Variants in TAFA2 observed in about 807,000 individuals in gnomAD.
The protein encoded by TAFA2 is chemokine-like protein TAFA-2.
TAFA2 carries 7 observed loss-of-function variants against 18.8 expected under a neutral mutation model. The observed-to-expected ratio is 0.37, with a 90% CI of 0.21 to 0.70. TAFA2 has a LOEUF of 0.70. TAFA2 is among the 30% of genes least tolerant of loss of function. The pLI is 0.53. For synonymous variants in TAFA2, 60 were observed against 54.2 expected, an observed-to-expected ratio of 1.11 and a Z score of -0.47; for missense variants, 122 against 158.1, an observed-to-expected ratio of 0.77 and a Z score of 1.23.
chr12:62,185,655 C>T (rs2062581221), intron 1 of TAFA2, among the ~76,000 whole-genome samples: 2 of 152,104 alleles, frequency 1.3e-5, no homozygotes, highest in Admixed American at 1.3e-4. Flanking sequence ...TGGACAGTGC[C>T]TCTGTGAAAT....
At chr12:62,158,191 T>A (rs1261118015) in intron 1 of TAFA2, among the ~76,000 whole-genome samples, 2 of 152,208 alleles carry the variant, frequency 1.3e-5, no homozygotes, top group Non-Finnish European at 2.9e-5. Context: ...ACATAGTAGA[T>A]CTCAATAATT....
At chr12:61,770,874 A>G (rs961585146) in intron 2 of TAFA2, among the ~76,000 whole-genome samples, 3 of 152,124 alleles carry the variant, frequency 2.0e-5, no homozygotes, top group African/African-American at 7.2e-5. Context: ...AGTACAGTGA[A>G]TAGAAGAGTA....
rs570969603 is a variant in TAFA2, at chr12:61,999,126, T to C, written c.-1-131700A>G. ...GAAAAATATACTGGCCATAAGAAGA[T>C]CTTAATATGAGAGGAAACAGTTCTA... On this transcript the variant is annotated intron_variant, in intron 1 of 4. Coordinates refer to ENST00000416284, the MANE Select transcript of TAFA2 (RefSeq NM_178539.5). 9.9e-4 allele frequency among the ~76,000 whole-genome samples: 151 copies of C among 152,304 alleles called. 1 individual carries two copies. In the Middle Eastern group the frequency reaches 0.014, roughly 14 times the overall value.
Position 62,032,901 on chromosome 12 carries a change from A to T in TAFA2, c.-2+158358T>A, listed in dbSNP as rs1460855308. 2.0e-5 allele frequency among the ~76,000 whole-genome samples: 3 copies of T among 152,344 alleles called. No individual in the cohort carries two copies. The East Asian group carries it at 5.8e-4, about 29-fold the overall frequency. On this transcript the variant is annotated intron_variant, in intron 1 of 4. Transcript: ENST00000416284. The stretch of plus-strand genomic sequence containing the variant: ...CTCACCTAAGAATATCCTCCCACTC[A>T]GCAATGCTTCACATTTTTTCATGGA...
intron 1 of TAFA2, among the ~76,000 whole-genome samples, chr12:61,938,799 C>T (rs897869548): frequency 6.6e-6 from 1 of 152,032 alleles, no homozygotes; most frequent in African/African-American, 2.4e-5. Flanking sequence ...GGTGAAGTAA[C>T]TCAGGAAGGC....
intron 1 of TAFA2, among the ~76,000 whole-genome samples, chr12:61,966,543 A>T (rs1565699043): frequency 6.6e-6 from 1 of 151,904 alleles, no homozygotes; most frequent in Non-Finnish European, 1.5e-5. Flanking sequence ...CATACCATTC[A>T]CCAACACTCA....
intron 4 of TAFA2, among the ~76,000 whole-genome samples, chr12:61,714,835 GTTCAAGTCCTGCT>G (rs1198896598): frequency 6.6e-6 from 1 of 152,140 alleles, no homozygotes; most frequent in Non-Finnish European, 1.5e-5. Context: ...TGTTCCCCCT[GTTCAAGTCCTGCT>G]GACTAGGTTA....
At chr12:62,207,371 C>G (rs12422925) in intron 1 of TAFA2, 1 of 152,082 alleles carries the variant, frequency 6.6e-6, no homozygotes, top group Non-Finnish European at 1.5e-5. Flanking sequence ...ACTGCTGATC[C>G]TAAGAGTTAC....
chr12:61,741,215 C>T (rs1868427586), intron 4 of TAFA2, among the ~76,000 whole-genome samples: 1 of 151,342 alleles, frequency 6.6e-6, no homozygotes, highest in Admixed American at 6.6e-5. Context: ...TAGTGTAGCC[C>T]CAATTTTTTA....
At chr12:62,176,186 G>A (rs1215287537) in intron 1 of TAFA2, among the ~76,000 whole-genome samples, 1 of 152,014 alleles carries the variant, frequency 6.6e-6, no homozygotes, top group Non-Finnish European at 1.5e-5. Flanking sequence ...TCTGCCATTT[G>A]TTACAAATAA....
intron 1 of TAFA2, among the ~76,000 whole-genome samples, chr12:62,091,911 G>A (rs183714216): frequency 6.6e-6 from 1 of 151,978 alleles, no homozygotes; most frequent in Non-Finnish European, 1.5e-5. Flanking sequence ...GCTGTCGACA[G>A]AGTATCAAGT....
chr12:61,966,994 G>A (rs191834425), intron 1 of TAFA2, among the ~76,000 whole-genome samples: 165 of 151,952 alleles, frequency 1.1e-3, no homozygotes, highest in African/African-American at 3.9e-3. Flanking sequence ...AGCAGTAGAT[G>A]TGTAGAATAA....
intron 2 of TAFA2, among the ~76,000 whole-genome samples, chr12:61,845,484 A>G (rs1419435760): frequency 6.6e-6 from 1 of 152,214 alleles, no homozygotes; most frequent in Non-Finnish European, 1.5e-5. Context: ...TGACACAGTT[A>G]CCTTGAAACA....
chr12:61,821,166 A>ACACACAT (rs1313957044), intron 2 of TAFA2, among the ~76,000 whole-genome samples: 1 of 120,572 alleles, frequency 8.3e-6, no homozygotes, highest in Non-Finnish European at 1.8e-5. Flanking sequence ...CACACACACA[A>ACACACAT]TTATTTGGAG....
chr12:61,970,147 A>G (rs1879199317), intron 1 of TAFA2, among the ~76,000 whole-genome samples: 1 of 151,554 alleles, frequency 6.6e-6, no homozygotes, highest in Non-Finnish European at 1.5e-5. Context: ...TGAATAAAAT[A>G]TTCTTGTTAT....
At chr12:62,235,363 TC>T in intron 1 of TAFA2, 1 of 654,720 alleles carries the variant, frequency 1.5e-6, no homozygotes. Context: ...AGGCCATGGT[TC>T]CAAGAGGTGT....
intron 1 of TAFA2, among the ~76,000 whole-genome samples, chr12:61,978,262 T>C (rs1879506960): frequency 6.6e-6 from 1 of 152,094 alleles, no homozygotes; most frequent in African/African-American, 2.4e-5. Flanking sequence ...AAATGCAGAA[T>C]TTAATGAAAT....
At chr12:61,854,919 G>A (rs1873821677) in intron 2 of TAFA2, among the ~76,000 whole-genome samples, 1 of 152,152 alleles carries the variant, frequency 6.6e-6, no homozygotes, top group Non-Finnish European at 1.5e-5. Flanking sequence ...ATCATCATAT[G>A]TAAGAGATGG....
chr12:61,948,680 T>C (rs1878363189), intron 1 of TAFA2, among the ~76,000 whole-genome samples: 1 of 152,188 alleles, frequency 6.6e-6, no homozygotes, highest in Non-Finnish European at 1.5e-5. Context: ...GAGAATGTAT[T>C]GTAGTCATGG....
Sources: gnomAD v4.1 joint callset for allele counts (sites outside exome capture counted in the v4.1 genomes callset) on GRCh38, gnomAD v4.1.1 for gene constraint, MANE v1.5 for transcripts, NCBI Gene and HGNC (gene_info 2026-07-23, HGNC 2026-07-21) for gene names.